Variants in TRMT2A observed in about 807,000 individuals in gnomAD.
The protein encoded by TRMT2A is tRNA methyltransferase 2A.
TRMT2A carries 60 observed loss-of-function variants against 59.3 expected under a neutral mutation model. The ratio of observed to expected loss-of-function variants is 1.01; its 90% CI spans 0.82 to 1.26. TRMT2A has a LOEUF of 1.26. TRMT2A is among the 50% of genes most tolerant of loss of function. The pLI, the probability that TRMT2A is intolerant of heterozygous loss-of-function variation, is 0.00. For missense variants in TRMT2A, 863 were observed against 845.2 expected (o/e 1.02, Z -0.26); for synonymous variants, 403 against 353.7 (o/e 1.14, Z -1.56).
intron 7 of TRMT2A, 97 bp downstream of exon 7, chr22:20,114,477 A>G: frequency 1.9e-6 from 2 of 1,048,890 alleles, no homozygotes; most frequent in Non-Finnish European, 3.0e-6. Context: ...ATACTCCCCC[A>G]AATCTCACCG....
intron 4 of TRMT2A, 81 bp downstream of exon 4, chr22:20,115,185 C>G (rs927586017): frequency 6.3e-7 from 1 of 1,577,692 alleles, no homozygotes; most frequent in African/African-American, 1.3e-5. Context: ...GGCAGGCACT[C>G]CAGAATTCCC....
Position 20,114,953 on chromosome 22 carries a change from C to A in TRMT2A, c.1005+12G>T. On this transcript the variant is annotated intron_variant, in intron 5 of 11. Coordinates refer to ENST00000252136, the MANE Select transcript of TRMT2A (RefSeq NM_022727.6). ...GCTAGGCACCCTCCCCCAGCAGGGC[C>A]CCCGTTGAGACCTGGGGGTGGAAGT... 1 of 1,578,992 alleles carries A rather than the reference C, an allele frequency of 6.3e-7. No homozygotes were observed. The highest frequency in any genetic ancestry group is 8.6e-7 in the Non-Finnish European group (1 of 1,163,446).
rs761388183 is a variant in TRMT2A, at chr22:20,115,729, C to T, written c.651G>A (p.Arg217=). The part of the protein sequence containing the change: ...RALLPWLLEQ[R]HKHNKACCPL... ...GGCAGCAGGCCTTGTTGTGCTTGTG[C>T]CTCTGCTCGAGCAGCCAGGGCAGCA... The change falls in exon 3 of 12, where the codon AGG becomes AGA. Residue 217 remains arginine (R), a synonymous_variant. Transcript: ENST00000252136. 2 of 1,612,798 alleles carry T rather than the reference C, an allele frequency of 1.2e-6. No homozygotes were observed. Among genetic ancestry groups the T allele is most frequent in the Non-Finnish European group, 1.7e-6 (2 of 1,179,824 alleles).
chr22:20,116,095 G>T lies in TRMT2A; in HGVS notation c.542C>A (p.Ala181Asp). Residue 181 changes from alanine (A) to aspartate (D), a missense_variant, in exon 2 of 12, where the codon GCT becomes GAT. Ala to Asp is a moderately radical substitution (Grantham distance 126, BLOSUM62 -2). Transcript: ENST00000252136. ...VVTPLWTVPY[A>D]EQLERKQLEC... ...CAGCTGCTTCCGCTCAAGCTGCTCA[G>T]CATAGGGCACTGTCCATAGAGGGGT... 1 of 1,604,120 alleles carries T rather than the reference G, an allele frequency of 6.2e-7. No individual in the cohort carries two copies. The highest frequency in any genetic ancestry group is 8.5e-7 in the Non-Finnish European group (1 of 1,173,140).
intron 2 of TRMT2A, 36 bp downstream of exon 2, chr22:20,115,991 GCCGGGCAGAGC>G: frequency 6.6e-7 from 1 of 1,518,366 alleles, no homozygotes; most frequent in Non-Finnish European, 8.8e-7. Flanking sequence ...GGAAGCACAG[GCCGGGCAGAGC>G]CCTGGCCAAG....
Position 20,117,016 on chromosome 22 carries a change from G to C in TRMT2A, c.-110C>G. ...CCTGTCACAAGGGAAGTGCTCAGAG[G>C]GGAGGTGCTCACAGAGCCGGTGCAA... On this transcript the variant is annotated 5_prime_UTR_variant, in exon 1 of 12. Transcript: ENST00000252136. The C allele has an allele frequency of 1.4e-6, 2 of 1,417,776 alleles. No homozygotes were observed. The highest frequency in any genetic ancestry group is 1.9e-6 in the Non-Finnish European group (2 of 1,034,102). The allele number at this position is 1,417,776 out of a possible 1,614,324, so 87.8% of individuals were successfully genotyped here.
At position 20,113,792 on chromosome 22, in the gene TRMT2A, G is replaced by A. The variant is rs2049922933; in HGVS notation, c.1250C>T (p.Ala417Val). 2 of 1,585,798 alleles carry A rather than the reference G, an allele frequency of 1.3e-6. No homozygotes were observed. The highest frequency in any genetic ancestry group is 1.7e-6 in the Non-Finnish European group (2 of 1,163,518). The stretch of plus-strand genomic sequence containing the variant: ...CTGGATGACTGTGTAGAGCACCTCG[G>A]CTGCGGGTGTGTTCACCTGGGGGCA... The part of the protein sequence containing the change: ...HAFFQVNTPA[A>V]EVLYTVIQDW... Residue 417 changes from alanine to valine, a missense_variant, in exon 8 of 12, where the codon GCC (alanine) becomes GTC (valine). Coordinates refer to ENST00000252136, the MANE Select transcript of TRMT2A (RefSeq NM_022727.6).
rs1451274450 is a variant in TRMT2A at position 20,114,835 on chromosome 22, T to C, written c.1047A>G (p.Leu349=). The C allele has an allele frequency of 2.5e-6, 4 of 1,606,706 alleles. No homozygotes were observed. The highest frequency in any genetic ancestry group is 3.4e-6 in the Non-Finnish European group (4 of 1,177,950). ...PEELAELKTS[L]AQHFTAGPGR... is the part of the protein sequence containing the mutation. Reference sequence around the variant, plus strand: ...CTGGCCCTGCTGTGAAGTGCTGCGCTAGGGAGGTCTTCAGCTCTGCCAGCT... The same window carrying C: ...CTGGCCCTGCTGTGAAGTGCTGCGCCAGGGAGGTCTTCAGCTCTGCCAGCT... The change falls in exon 6 of 12, where the codon CTA becomes CTG. Residue 349 remains leucine (L), a synonymous_variant. Coordinates refer to ENST00000252136, the MANE Select transcript of TRMT2A (RefSeq NM_022727.6).
At chr22:20,115,562 A>G (rs778374345) in intron 3 of TRMT2A, 110 bp downstream of exon 3, 14 of 1,559,804 alleles carry the variant, frequency 9.0e-6, no homozygotes, top group Middle Eastern at 1.7e-4. Context: ...CAACTATGTG[A>G]TGTTACCAGA....
intron 11 of TRMT2A, 41 bp downstream of exon 11, chr22:20,112,870 T>C (rs754312360): frequency 1.9e-6 from 3 of 1,612,424 alleles, no homozygotes; most frequent in African/African-American, 2.7e-5. Flanking sequence ...GGGGGCTTGG[T>C]AGCAGGCCTA....
rs1012664383 is a variant in TRMT2A, at chr22:20,116,355, G to A, written c.282C>T (p.Gly94=). Residue 94 remains glycine (G), a synonymous_variant, in exon 2 of 12, where the codon GGC becomes GGT. Transcript: ENST00000252136. ...TTTTGTGGGGCTGCAGACCAAAGCG[G>A]CCCAGGAAGCGCCGGACGTCGCTGA... ...ASFSDVRRFL[G]RFGLQPHKTK... is the part of the protein sequence containing the mutation. The A allele has an allele frequency of 6.2e-7, 1 of 1,612,854 alleles. No homozygotes were observed. Among genetic ancestry groups the A allele is most frequent in the Non-Finnish European group, 8.5e-7 (1 of 1,179,890 alleles).
intron 3 of TRMT2A, 46 bp from the exon 4 acceptor site, chr22:20,115,493 G>C (rs1299862412): frequency 1.3e-6 from 2 of 1,583,762 alleles, no homozygotes; most frequent in African/African-American, 1.3e-5. Context: ...CCCAGCGCTT[G>C]GGCCTGGAAA....
Position 20,116,166 on chromosome 22 carries a change from C to CT in TRMT2A, c.470dup (p.Glu158GlyfsTer3). The stretch of plus-strand genomic sequence containing the variant: ...TTACTGGTGGCTCACTCTCACCCTC[C>CT]TGTCGCCTCCTCCTGGCCATGGGGT... On this transcript the variant is annotated frameshift_variant, in exon 2 of 12. Coordinates refer to ENST00000252136, the MANE Select transcript of TRMT2A (RefSeq NM_022727.6). LOFTEE classifies it high-confidence loss of function. 1 of 1,613,152 alleles carries CT rather than the reference C, an allele frequency of 6.2e-7. No homozygotes were observed. The highest frequency in any genetic ancestry group is 2.2e-5 in the East Asian group (1 of 44,882).
intron 8 of TRMT2A, 86 bp downstream of exon 8, chr22:20,113,600 G>T (rs775133693): frequency 6.2e-7 from 1 of 1,604,338 alleles, no homozygotes; most frequent in Non-Finnish European, 8.5e-7. Flanking sequence ...GGGGCATGAT[G>T]GAGTCAGCTG....
Position 20,115,758 on chromosome 22 carries a change from C to G in TRMT2A, c.622G>C (p.Ala208Pro), listed in dbSNP as rs748140078. ...TGCTCGAGCAGCCAGGGCAGCAAGG[C>G]ACGGTTGGTGCTCCCGATTTCCCTG... is the stretch of plus-strand genomic sequence containing the variant. ...LAKEIGSTNR[A>P]LLPWLLEQRH... The change falls in exon 3 of 12, where the codon GCC (alanine) becomes CCC (proline). Residue 208 changes from alanine (A) to proline (P), a missense_variant. Ala to Pro is a conservative substitution (Grantham distance 27). Transcript: ENST00000252136. The G allele has an allele frequency of 6.2e-7, 1 of 1,610,462 alleles. No individual in the cohort carries two copies. The highest frequency in any genetic ancestry group is 1.1e-5 in the South Asian group (1 of 91,028).
rs764825835 is a variant in TRMT2A, at chr22:20,115,061, T to G, written c.909A>C (p.Ala303=). 1.4e-5 allele frequency: 23 copies of G among 1,593,238 alleles called. No individual in the cohort carries two copies. The highest frequency in any genetic ancestry group is 2.0e-5 in the Non-Finnish European group (23 of 1,174,620). ...GGCCTGTGTACGTCTCTGGGTCGTA[T>G]GCCGAGTATGGAGTGGACCTGTGGG... The part of the protein sequence containing the change: ...QEFIRSTPYS[A]YDPETYTGHW... The change falls in exon 5 of 12, where the codon GCA becomes GCC. Residue 303 remains alanine (A), a synonymous_variant. Transcript: ENST00000252136.
At position 20,115,656 on chromosome 22, in the gene TRMT2A, C is replaced by T. The variant is rs758173104; in HGVS notation, c.708+16G>A. ...ACCCAGGATAGGGGTTTGTGGCCACCGAAGTCTAGTCTGACCTGCTGGGGT... is the reference window on the plus strand; with the variant it reads ...ACCCAGGATAGGGGTTTGTGGCCACTGAAGTCTAGTCTGACCTGCTGGGGT... On this transcript the variant is annotated intron_variant, in intron 3 of 11. Transcript: ENST00000252136. 4.3e-6 allele frequency: 7 copies of T among 1,612,414 alleles called. No homozygotes were observed. The Admixed American group carries it at 5.0e-5, about 12-fold the overall frequency.
intron 7 of TRMT2A, among the ~76,000 whole-genome samples, chr22:20,114,259 G>A (rs1378819839): frequency 6.6e-6 from 1 of 152,190 alleles, no homozygotes; most frequent in Non-Finnish European, 1.5e-5. Flanking sequence ...TGAGCAAACA[G>A]TGAAACAGTA....
chr22:20,116,717 C>G (rs2050035166), intron 1 of TRMT2A, 105 bp from the exon 2 acceptor site: 1 of 1,434,038 alleles, frequency 7.0e-7, no homozygotes, highest in Admixed American at 2.2e-5. Flanking sequence ...GCACTCTGCA[C>G]TCAGCCCTGC....
Sources: allele counts gnomAD v4.1 joint callset (sites outside exome capture counted in the v4.1 genomes callset), GRCh38; gene constraint gnomAD v4.1.1; transcripts MANE v1.5; gene names NCBI Gene and HGNC (gene_info 2026-07-23, HGNC 2026-07-21).